Variants in TMEM132C observed in about 807,000 individuals in gnomAD.
TMEM132C encodes protein phosphatase 1, regulatory subunit 152.
A neutral mutation model predicts 61.4 loss-of-function variants in TMEM132C; 29 were observed. That is an observed-to-expected ratio of 0.47 (90% CI 0.35 to 0.64). The LOEUF (loss-of-function observed/expected upper bound fraction) is 0.64, where lower values mean the gene tolerates loss of function less well. Among genes scored for constraint, TMEM132C ranks in the 30% least tolerant of loss-of-function variants. TMEM132C has a pLI of 0.00. For missense variants in TMEM132C, 1,408 were observed against 1,476.9 expected (o/e 0.95, Z 0.76); for synonymous variants, 656 against 633.1 (o/e 1.04, Z -0.54).
intron 4 of TMEM132C, among the ~76,000 whole-genome samples, chr12:128,617,466 G>C (rs1876846175): frequency 6.6e-6 from 1 of 152,218 alleles, no homozygotes; most frequent in African/African-American, 2.4e-5. Context: ...AAATCAAAAG[G>C]ATGTGTTGCT....
In TMEM132C at chr12:128,666,079, G is replaced by GTACA. The variant is rs145486150; in HGVS notation, c.1306-3338_1306-3337insTACA. Among the ~76,000 whole-genome samples, 185 of 101,010 alleles carry GTACA rather than the reference G, an allele frequency of 1.8e-3. 3 individuals carry two copies. Among genetic ancestry groups the GTACA allele is most frequent in the African/African-American group, 7.3e-3 (178 of 24,542 alleles). The allele number at this position is 101,010 out of a possible 152,430, so 66.3% of individuals were successfully genotyped here. On this transcript the variant is annotated intron_variant, in intron 4 of 8. Coordinates refer to ENST00000435159, the MANE Select transcript of TMEM132C (RefSeq NM_001136103.3). ...CAGGCACTCATACACAAACACACAG[G>GTACA]CACACACACACAGGCACACATACCC... is the stretch of plus-strand genomic sequence containing the variant.
At chr12:128,629,827 G>A (rs1174499765) in intron 4 of TMEM132C, among the ~76,000 whole-genome samples, 2 of 152,048 alleles carry the variant, frequency 1.3e-5, no homozygotes, top group East Asian at 1.9e-4. Flanking sequence ...TTAGCTGGGC[G>A]TGGTGGTGCA....
At chr12:128,336,312 A>G (rs554096490) in intron 1 of TMEM132C, among the ~76,000 whole-genome samples, 3 of 152,360 alleles carry the variant, frequency 2.0e-5, no homozygotes, top group South Asian at 2.1e-4. Context: ...TCTTATTTAT[A>G]TACATGGTCA....
rs1022826249 is a variant in TMEM132C, at chr12:128,519,360, G to A, written c.975-24597G>A. ...ATTCCAAGACAGCAAGTGTAAACTA[G>A]GACTGTCCTGAATGAACCACGATAA... On this transcript the variant is annotated intron_variant, in intron 2 of 8. Transcript: ENST00000435159. Among the ~76,000 whole-genome samples, 31 of 152,194 alleles carry A rather than the reference G, an allele frequency of 2.0e-4. 1 individual carries two copies. The highest frequency in any genetic ancestry group is 2.0e-4 in the Admixed American group (3 of 15,286).
chr12:128,505,252 A>G lies in TMEM132C; in HGVS notation c.975-38705A>G, dbSNP rs1160576908. ...AGACAGATCAAGGTGCCGGTGGCCA[A>G]TCAACCAACAGTCTTGAGAGGGCAC... On this transcript the variant is annotated intron_variant, in intron 2 of 8. Transcript: ENST00000435159. Among the ~76,000 whole-genome samples, 3 of 152,280 alleles carry G rather than the reference A, an allele frequency of 2.0e-5. No homozygotes were observed. The East Asian group carries it at 5.8e-4, about 29-fold the overall frequency.
intron 1 of TMEM132C, among the ~76,000 whole-genome samples, chr12:128,318,765 GA>G (rs1342290323): frequency 1.1e-4 from 16 of 152,202 alleles, no homozygotes; most frequent in African/African-American, 3.6e-4. Context: ...TGATCACGGA[GA>G]GATGTGTTGC....
chr12:128,398,804 G>A (rs1344963406), intron 1 of TMEM132C, among the ~76,000 whole-genome samples: 1 of 143,766 alleles, frequency 7.0e-6, no homozygotes, highest in Admixed American at 6.7e-5. Context: ...TTGAGTGATG[G>A]TTTTACTGTT....
intron 3 of TMEM132C, among the ~76,000 whole-genome samples, chr12:128,613,058 G>T (rs972290721): frequency 6.6e-6 from 1 of 152,236 alleles, no homozygotes; most frequent in Non-Finnish European, 1.5e-5. Flanking sequence ...GAGAAGTGCA[G>T]GCTGAAAGCT....
At chr12:128,703,713 T>C (rs889334482) in intron 8 of TMEM132C, among the ~76,000 whole-genome samples, 1 of 152,232 alleles carries the variant, frequency 6.6e-6, no homozygotes, top group Non-Finnish European at 1.5e-5. Context: ...CTATTGTGAA[T>C]AGTGCTGCGA....
At chr12:128,341,454 G>C (rs1267442928) in intron 1 of TMEM132C, among the ~76,000 whole-genome samples, 2 of 152,120 alleles carry the variant, frequency 1.3e-5, no homozygotes, top group African/African-American at 4.8e-5. Context: ...TATTTTACTC[G>C]AATGGATTTA....
intron 4 of TMEM132C, among the ~76,000 whole-genome samples, chr12:128,647,346 T>C (rs1488278701): frequency 1.4e-5 from 2 of 144,748 alleles, no homozygotes; most frequent in African/African-American, 5.7e-5. Flanking sequence ...GCGTTGGATG[T>C]GAGTGTGTTT....
At position 128,421,716 on chromosome 12, in the gene TMEM132C, G is replaced by T. The variant is rs181332254; in HGVS notation, c.974+6096G>T. ...TAGTTCATGAGACCCAAAAGTCAAG[G>T]TGTGGAAGATGGAACCTTTGTTTCT... On this transcript the variant is annotated intron_variant, in intron 2 of 8. Transcript: ENST00000435159. 4.9e-4 allele frequency among the ~76,000 whole-genome samples: 75 copies of T among 152,326 alleles called. 1 individual carries two copies. Among genetic ancestry groups the T allele is most frequent in the African/African-American group, 1.7e-3 (72 of 41,574 alleles).
At chr12:128,498,075 T>C (rs1411315785) in intron 2 of TMEM132C, among the ~76,000 whole-genome samples, 1 of 152,200 alleles carries the variant, frequency 6.6e-6, no homozygotes, top group African/African-American at 2.4e-5. Flanking sequence ...GGTGGGCTCA[T>C]TAGGATCTAA....
chr12:128,471,550 T>A (rs1666548448), intron 2 of TMEM132C, among the ~76,000 whole-genome samples: 1 of 152,226 alleles, frequency 6.6e-6, no homozygotes, highest in Non-Finnish European at 1.5e-5. Flanking sequence ...TAAGAAGTTA[T>A]CTTTGCTAAA....
chr12:128,287,878 G>A (rs1453179698), intron 1 of TMEM132C, among the ~76,000 whole-genome samples: 1 of 152,014 alleles, frequency 6.6e-6, no homozygotes. Flanking sequence ...GTACAGGCCA[G>A]GTTTTTTAGA....
intron 2 of TMEM132C, among the ~76,000 whole-genome samples, chr12:128,496,809 T>C (rs1871977848): frequency 6.6e-6 from 1 of 152,254 alleles, no homozygotes; most frequent in South Asian, 2.1e-4. Context: ...AGTTTGATTA[T>C]CTGAAGCCTT....
At chr12:128,514,533 C>G (rs1531245) in intron 2 of TMEM132C, among the ~76,000 whole-genome samples, 141,505 of 152,108 alleles carry the variant, frequency 0.93, 66,584 homozygotes, top group East Asian at 1. Context: ...AGGCGGGGTG[C>G]GGGGGCGACG....
intron 1 of TMEM132C, among the ~76,000 whole-genome samples, chr12:128,388,263 G>C (rs1227647915): frequency 1.8e-4 from 27 of 152,256 alleles, no homozygotes; most frequent in Admixed American, 1.8e-3. Context: ...GGCCTCTGGT[G>C]ATCCGAAGAC....
chr12:128,404,309 TA>T (rs1459854004), intron 1 of TMEM132C: 2 of 152,252 alleles, frequency 1.3e-5, no homozygotes, highest in Non-Finnish European at 2.9e-5. Flanking sequence ...CTACCCCATT[TA>T]GAATAACCCC....
Sources: gnomAD v4.1 joint callset for allele counts (sites outside exome capture counted in the v4.1 genomes callset) on GRCh38, gnomAD v4.1.1 for gene constraint, MANE v1.5 for transcripts, NCBI Gene and HGNC (gene_info 2026-07-23, HGNC 2026-07-21) for gene names.